The following PTPRF variants were observed in gnomAD, a reference collection of about 807,000 sequenced individuals.
PTPRF encodes the protein receptor-type tyrosine-protein phosphatase F.
In PTPRF, 59 loss-of-function variants were observed where a neutral mutation model predicts 201.8. That is an observed-to-expected ratio of 0.29 (90% CI 0.24 to 0.36). The LOEUF (loss-of-function observed/expected upper bound fraction) is 0.36, where lower values mean the gene tolerates loss of function less well. PTPRF is among the 10% of genes least tolerant of loss of function. PTPRF has a pLI of 1.00. For synonymous variants in PTPRF, 1,088 were observed against 1,089.7 expected (o/e 1.00, Z 0.03); for missense variants, 2,132 against 2,690.5 (o/e 0.79, Z 4.59).
At position 43,553,965 on chromosome 1, in the gene PTPRF, C is replaced by G; in HGVS notation, c.379+24C>G. 6.2e-7 allele frequency: 1 copy of G among 1,611,586 alleles called. No individual in the cohort carries two copies. Among genetic ancestry groups the G allele is most frequent in the Non-Finnish European group, 8.5e-7 (1 of 1,178,228 alleles). The stretch of plus-strand genomic sequence containing the variant: ...AGGTACGTGCTAGGGAGACGTGGCA[C>G]GGTGGGCTGCCGGGCTGAGGCGTGG... On this transcript the variant is annotated intron_variant, in intron 5 of 33. Transcript: ENST00000359947. This position sits in a 1 kb window ranked among gnomAD's most constrained non-coding sequence, Gnocchi z 4.1.
rs1303362592 is a variant in PTPRF, at chr1:43,592,570, C to T, written c.1782C>T (p.Thr594=). The T allele has an allele frequency of 1.2e-6, 2 of 1,607,032 alleles. No individual in the cohort carries two copies. Among genetic ancestry groups the T allele is most frequent in the Admixed American group, 3.4e-5 (2 of 59,306 alleles). ...ARSDMGVGVF[T]PTIEARTAQS... Reference sequence around the variant, plus strand: ...CGGATATGGGGGTGGGCGTCTTCACCCCCACCATTGAGGCCCGCACAGCCC... The same window carrying T: ...CGGATATGGGGGTGGGCGTCTTCACTCCCACCATTGAGGCCCGCACAGCCC... Residue 594 remains threonine, a synonymous_variant, in exon 11 of 34, where the codon ACC becomes ACT. Transcript: ENST00000359947.
Position 43,553,640 on chromosome 1 carries a change from G to T in PTPRF, c.237+3G>T. ...AAGTCAGCTCCCAGCGCTTCGAGGT[G>T]CGTCTGTGGTGGGAAGGGGTCGGCA... On this transcript the variant is annotated splice_donor_region_variant and intron_variant, in intron 4 of 33. Transcript: ENST00000359947. This position sits in a 1 kb window ranked among gnomAD's most constrained non-coding sequence, Gnocchi z 4.1. 6.2e-7 allele frequency: 1 copy of T among 1,614,076 alleles called. No individual in the cohort carries two copies. The highest frequency in any genetic ancestry group is 1.3e-5 in the African/African-American group (1 of 75,036).
In PTPRF at chr1:43,603,265, G is replaced by A; in HGVS notation, c.2341-151G>A. 2 of 688,340 alleles carry A rather than the reference G, an allele frequency of 2.9e-6. No individual in the cohort carries two copies. The highest frequency in any genetic ancestry group is 2.5e-6 in the Non-Finnish European group (1 of 396,974). The allele number at this position is 688,340 out of a possible 1,614,324, so 42.6% of individuals were successfully genotyped here. On this transcript the variant is annotated intron_variant, in intron 14 of 33. Coordinates refer to ENST00000359947, the MANE Select transcript of PTPRF (RefSeq NM_002840.5). The surrounding 1 kb of genome is among the most constrained non-coding windows in gnomAD (Gnocchi z 5.8). ...ATCCTACCTGCCTGCTTCCTCTCCA[G>A]CAGAGGCCACCATTGTATAGCCCCA... is the stretch of plus-strand genomic sequence containing the variant.
chr1:43,557,630 CAAAAA>C (rs71036626), intron 5 of PTPRF, among the ~76,000 whole-genome samples: 2 of 101,016 alleles, frequency 2.0e-5, no homozygotes, highest in African/African-American at 3.7e-5. Flanking sequence ...GACTCCATCT[CAAAAA>C]AAAAAAAAAA....
intron 19 of PTPRF, 114 bp from the exon 20 acceptor site, chr1:43,606,126 A>G: frequency 8.3e-7 from 1 of 1,205,290 alleles, no homozygotes. Flanking sequence ...GTGGGCTCTG[A>G]CACGGAAGGT....
intron 3 of PTPRF, among the ~76,000 whole-genome samples, chr1:43,547,840 G>A (rs1028578746): frequency 6.6e-6 from 1 of 152,228 alleles, no homozygotes; most frequent in African/African-American, 2.4e-5. Context: ...CTGCTGCAGC[G>A]CAGCTTCCCC....
chr1:43,533,772 G>A (rs893444770), intron 1 of PTPRF, among the ~76,000 whole-genome samples: 4 of 152,168 alleles, frequency 2.6e-5, no homozygotes, highest in Admixed American at 6.5e-5. Context: ...CCCTACCCTC[G>A]AGAAGCTCGT....
At chr1:43,591,996 G>A in intron 10 of PTPRF, 48 bp downstream of exon 10, 1 of 1,607,316 alleles carries the variant, frequency 6.2e-7, no homozygotes, top group Middle Eastern at 1.7e-4. Flanking sequence ...GGTCCCTGAG[G>A]GTCTGTGATG....
rs575652248 is a variant in PTPRF, at chr1:43,542,998, C to T, written c.-45-2033C>T. On this transcript the variant is annotated intron_variant, in intron 2 of 33. Coordinates refer to ENST00000359947, the MANE Select transcript of PTPRF (RefSeq NM_002840.5). The surrounding 1 kb of genome is among the most constrained non-coding windows in gnomAD (Gnocchi z 5.2). ...AATGCTTGTTCCTGGAAGTTAACCT[C>T]TGTGACTATTATATTGTTATACCCG... is the stretch of plus-strand genomic sequence containing the variant. Among the ~76,000 whole-genome samples the T allele has an allele frequency of 1.6e-4, 24 of 152,300 alleles. No homozygotes were observed. The East Asian group carries it at 4.4e-3, about 28-fold the overall frequency.
intron 11 of PTPRF, among the ~76,000 whole-genome samples, chr1:43,596,180 G>A (rs1652218812): frequency 1.3e-5 from 2 of 152,178 alleles, no homozygotes; most frequent in Admixed American, 1.3e-4. Context: ...GGCATCCTGA[G>A]GAGCTGGCGA....
intron 5 of PTPRF, among the ~76,000 whole-genome samples, chr1:43,561,109 C>T (rs962938057): frequency 2.0e-4 from 31 of 152,090 alleles, no homozygotes; most frequent in East Asian, 1.9e-4. Flanking sequence ...CGTGGGATGA[C>T]GAAGGACCTC....
At chr1:43,532,053 C>G (rs1412611487) in intron 1 of PTPRF, among the ~76,000 whole-genome samples, 2 of 152,202 alleles carry the variant, frequency 1.3e-5, no homozygotes, top group African/African-American at 4.8e-5. Flanking sequence ...GTCTTGTTCC[C>G]TGTCCCTGAG....
At chr1:43,607,047 G>A in intron 21 of PTPRF, 79 bp downstream of exon 21, 1 of 1,554,696 alleles carries the variant, frequency 6.4e-7, no homozygotes, top group South Asian at 1.2e-5. Flanking sequence ...GGTGCCTGTG[G>A]AGAGCGTGCA....
In PTPRF at chr1:43,598,038, C is replaced by T. The variant is rs1284292923; in HGVS notation, c.2104C>T (p.Arg702Cys). The T allele has an allele frequency of 3.3e-6, 5 of 1,496,560 alleles. No homozygotes were observed. Among genetic ancestry groups the T allele is most frequent in the Admixed American group, 2.1e-5 (1 of 46,954 alleles). The allele number at this position is 1,496,560 out of a possible 1,614,324, so 92.7% of individuals were successfully genotyped here. ...CCCCGAGAGCAGCCCGGTGCTGGTG[C>T]GCACCGATGAGGACGGTAGGCAGTG... ...PGPESSPVLV[R>C]TDEDVPSGPP... The change falls in exon 12 of 34, where the codon CGC becomes TGC. Residue 702 changes from arginine (R) to cysteine (C), a missense_variant. This residue lies in a region of PTPRF where 125 missense variants were observed against 211.9 expected (regional missense o/e 0.59). Transcript: ENST00000359947.
intron 7 of PTPRF, chr1:43,583,230 C>T (rs920545045): frequency 6.5e-5 from 38 of 586,672 alleles, no homozygotes; most frequent in Non-Finnish European, 7.7e-5. Flanking sequence ...TTGTTTGGGC[C>T]GGCGGGCAGG....
At chr1:43,548,119 T>TGG (rs970513124) in intron 3 of PTPRF, among the ~76,000 whole-genome samples, 6 of 99,570 alleles carry the variant, frequency 6.0e-5, no homozygotes, top group Non-Finnish European at 1.2e-4. Flanking sequence ...CATTTGCTAA[T>TGG]GGGGGGGTAT....
Position 43,588,518 on chromosome 1 carries a change from C to T in PTPRF, c.680-213C>T, listed in dbSNP as rs181316658. 6.6e-6 allele frequency among the ~76,000 whole-genome samples: 1 copy of T among 152,158 alleles called. No individual in the cohort carries two copies. Among genetic ancestry groups the T allele is most frequent in the Non-Finnish European group, 1.5e-5 (1 of 68,028 alleles). ...CTCTCATTGAGTAAGTCATCGTGCT[C>T]CAGACAGTCCCTGAGTGTGGGGGCC... is the stretch of plus-strand genomic sequence containing the variant. On this transcript the variant is annotated intron_variant, in intron 7 of 33. Coordinates refer to ENST00000359947, the MANE Select transcript of PTPRF (RefSeq NM_002840.5). This position sits in a 1 kb window ranked among gnomAD's most constrained non-coding sequence, Gnocchi z 5.3.
chr1:43,569,927 T>A (rs1247997135), intron 6 of PTPRF, 149 bp downstream of exon 6: 1 of 928,790 alleles, frequency 1.1e-6, no homozygotes, highest in African/African-American at 1.7e-5. Context: ...ACTGCAGGTG[T>A]GCCTGGCTCA....
At chr1:43,618,770 A>C (rs1658476710) in intron 26 of PTPRF, 21 bp downstream of exon 26, 1 of 1,589,046 alleles carries the variant, frequency 6.3e-7, no homozygotes, top group South Asian at 1.1e-5. Flanking sequence ...TCCCCAGTGC[A>C]TATCTCTTAC....
Sources: gnomAD v4.1 joint callset for allele counts (sites outside exome capture counted in the v4.1 genomes callset) on GRCh38, gnomAD v4.1.1 for gene constraint, gnomAD v4.1.1 regional missense constraint, Gnocchi (gnomAD v3.1) non-coding constraint, MANE v1.5 for transcripts, NCBI Gene and HGNC (gene_info 2026-07-23, HGNC 2026-07-21) for gene names.